RIMS2: variants seen among roughly 807,000 people sequenced by gnomAD.
RIMS2 encodes the protein regulating synaptic membrane exocytosis protein 2.
Under a neutral mutation model 174.4 loss-of-function variants are expected in RIMS2, and 59 were observed. That is an observed-to-expected ratio of 0.34 (90% CI 0.27 to 0.42). The LOEUF (loss-of-function observed/expected upper bound fraction) is 0.42. Among genes scored for constraint, RIMS2 ranks in the 10% least tolerant of loss-of-function variants. RIMS2 has a pLI of 1.00. For synonymous variants in RIMS2, 606 were observed against 572.5 expected (o/e 1.06, Z -0.84); for missense variants, 1,620 against 1,666.3 (o/e 0.97, Z 0.48).
intron 19 of RIMS2, among the ~76,000 whole-genome samples, chr8:104,032,486 C>T (rs2096416768): frequency 6.6e-6 from 1 of 151,954 alleles, no homozygotes; most frequent in Non-Finnish European, 1.5e-5. Flanking sequence ...ATAACTCCCA[C>T]AAGCTTAGCA....
At chr8:103,584,542 G>C (rs2093798534) in intron 1 of RIMS2, among the ~76,000 whole-genome samples, 1 of 152,088 alleles carries the variant, frequency 6.6e-6, no homozygotes, top group African/African-American at 2.4e-5. Context: ...TTAAGATATA[G>C]TCAGTACAAA....
At chr8:103,708,757 TG>T (rs1423413744) in intron 2 of RIMS2, among the ~76,000 whole-genome samples, 1 of 152,190 alleles carries the variant, frequency 6.6e-6, no homozygotes, top group Non-Finnish European at 1.5e-5. Context: ...TAACACTAGT[TG>T]TGTGCAATTA....
chr8:104,005,782 T>TG (rs1239022409), intron 17 of RIMS2, among the ~76,000 whole-genome samples: 1 of 152,090 alleles, frequency 6.6e-6, no homozygotes, highest in Non-Finnish European at 1.5e-5. Flanking sequence ...TGATGAGGGC[T>TG]GCTATGAAGT....
At chr8:103,642,184 T>C (rs916746641) in intron 1 of RIMS2, among the ~76,000 whole-genome samples, 1 of 152,178 alleles carries the variant, frequency 6.6e-6, no homozygotes, top group Non-Finnish European at 1.5e-5. Flanking sequence ...TATACAATTC[T>C]ATTTTCTCTC....
At chr8:104,243,261 T>C (rs1236055878) in intron 19 of RIMS2, among the ~76,000 whole-genome samples, 2 of 152,206 alleles carry the variant, frequency 1.3e-5, no homozygotes, top group Admixed American at 1.3e-4. Flanking sequence ...CATTTTGGTG[T>C]ACCTTAATGT....
At chr8:103,675,282 T>C (rs1323871552) in intron 1 of RIMS2, among the ~76,000 whole-genome samples, 1 of 152,182 alleles carries the variant, frequency 6.6e-6, no homozygotes, top group Non-Finnish European at 1.5e-5. Context: ...GGTAGCCACA[T>C]GGCATCCTGG....
intron 1 of RIMS2, among the ~76,000 whole-genome samples, chr8:103,538,798 C>T (rs750908180): frequency 2.0e-5 from 3 of 152,228 alleles, no homozygotes; most frequent in South Asian, 2.1e-4. Context: ...TGAGCCACCA[C>T]GCCCAGCCTA....
chr8:103,632,789 A>C (rs1273840829), intron 1 of RIMS2, among the ~76,000 whole-genome samples: 2 of 98,610 alleles, frequency 2.0e-5, no homozygotes, highest in Non-Finnish European at 1.9e-5. Flanking sequence ...CCCAGGCTGG[A>C]GTGGCGCAAT....
At chr8:103,854,051 C>A (rs1039169619) in intron 3 of RIMS2, among the ~76,000 whole-genome samples, 1 of 151,974 alleles carries the variant, frequency 6.6e-6, no homozygotes, top group African/African-American at 2.4e-5. Context: ...TTTGTGTAGA[C>A]CCTGATTTGT....
intron 10 of RIMS2, among the ~76,000 whole-genome samples, chr8:103,924,447 A>T (rs536257237): frequency 1.3e-5 from 2 of 151,730 alleles, no homozygotes; most frequent in African/African-American, 4.8e-5. Context: ...CAGCCTGGAG[A>T]CAATTTTGGT....
intron 1 of RIMS2, among the ~76,000 whole-genome samples, chr8:103,667,724 A>C (rs1370233609): frequency 6.6e-6 from 1 of 152,218 alleles, no homozygotes; most frequent in African/African-American, 2.4e-5. Flanking sequence ...TCATGATAGC[A>C]GAGAAGTCTT....
intron 3 of RIMS2, among the ~76,000 whole-genome samples, chr8:103,824,719 A>G (rs1396072959): frequency 2.0e-5 from 3 of 152,146 alleles, no homozygotes; most frequent in African/African-American, 7.2e-5. Flanking sequence ...TGGTTCTAAG[A>G]AACACATTTG....
chr8:103,635,777 C>A (rs1044239124), intron 1 of RIMS2, among the ~76,000 whole-genome samples: 1 of 151,878 alleles, frequency 6.6e-6, no homozygotes, highest in Non-Finnish European at 1.5e-5. Context: ...CCTCAGCCCC[C>A]AGTCATGTCA....
At chr8:104,220,192 A>G (rs1251755803) in intron 19 of RIMS2, among the ~76,000 whole-genome samples, 1 of 152,118 alleles carries the variant, frequency 6.6e-6, no homozygotes, top group Non-Finnish European at 1.5e-5. Context: ...TCCCCTAAAT[A>G]AGATTATTTT....
chr8:103,773,840 G>T (rs76615847), intron 3 of RIMS2, among the ~76,000 whole-genome samples: 23,923 of 152,066 alleles, frequency 0.16, 1,987 homozygotes, highest in Middle Eastern at 0.24. Flanking sequence ...GAATTCAGAG[G>T]AATTTGACCG....
chr8:104,234,779 A>G (rs1348176768), intron 19 of RIMS2, among the ~76,000 whole-genome samples: 2 of 152,186 alleles, frequency 1.3e-5, no homozygotes, highest in African/African-American at 2.4e-5. Flanking sequence ...ATAATGGGAA[A>G]TGGGTATGCC....
rs200009286 is a variant in RIMS2, at chr8:103,706,015, A to AT, written c.387+8728dup. The stretch of plus-strand genomic sequence containing the variant: ...TACTGTCTTCTTTTGTGGATAAGTC[A>AT]TTTTTTTTTCCTGGTATTATATTTT... On this transcript the variant is annotated intron_variant, in intron 2 of 23. Transcript: ENST00000504942. Among the ~76,000 whole-genome samples the AT allele has an allele frequency of 7.8e-3, 1,167 of 148,936 alleles. 11 individuals are homozygous for AT. The highest frequency in any genetic ancestry group is 0.017 in the African/African-American group (698 of 40,626).
rs576594588 is a variant in RIMS2, at chr8:103,702,806, A to G, written c.387+5510A>G. ...AGTACTATGCTGTTTTGGTTACTCT[A>G]GCTTTATAGCATATTTTGAGGTCAG... On this transcript the variant is annotated intron_variant, in intron 2 of 23. Transcript: ENST00000504942. Among the ~76,000 whole-genome samples the G allele has an allele frequency of 2.8e-5, 4 of 143,990 alleles. No homozygotes were observed. In the South Asian group the frequency reaches 8.7e-4, roughly 31 times the overall value. 94.5% of individuals were successfully genotyped at this position (143,990 alleles called of 152,430 possible). A position where few individuals can be genotyped will look rare whatever the true frequency, so the allele number is the denominator to read the frequency against.
At chr8:104,028,644 C>T (rs1309948087) in intron 19 of RIMS2, among the ~76,000 whole-genome samples, 2 of 152,096 alleles carry the variant, frequency 1.3e-5, no homozygotes, top group African/African-American at 4.8e-5. Flanking sequence ...GTTATAGGTA[C>T]TCTTCTATAA....
Sources: allele counts gnomAD v4.1 joint callset (sites outside exome capture counted in the v4.1 genomes callset), GRCh38; gene constraint gnomAD v4.1.1; transcripts MANE v1.5; gene names NCBI Gene and HGNC (gene_info 2026-07-23, HGNC 2026-07-21).